Variants in TCF12 observed in about 807,000 individuals in gnomAD.
TCF12 encodes DNA-binding protein HTF4.
Under a neutral mutation model 86.0 loss-of-function variants are expected in TCF12, and 45 were observed. The observed-to-expected ratio is 0.52, with a 90% CI of 0.41 to 0.67. The LOEUF (loss-of-function observed/expected upper bound fraction) is 0.67. TCF12 is among the 30% of genes least tolerant of loss of function. The pLI is 0.00. For synonymous variants in TCF12, 330 were observed against 299.6 expected, an observed-to-expected ratio of 1.10 and a Z score of -1.05; for missense variants, 881 against 859.9, an observed-to-expected ratio of 1.02 and a Z score of -0.31.
intron 3 of TCF12, among the ~76,000 whole-genome samples, chr15:56,950,611 T>C (rs1338619288): frequency 6.6e-6 from 1 of 152,148 alleles, no homozygotes; most frequent in East Asian, 1.9e-4. Context: ...TTGAGATTCA[T>C]TTATGTACCA....
intron 3 of TCF12, among the ~76,000 whole-genome samples, chr15:57,036,669 T>A (rs2585088): frequency 0.46 from 69,668 of 151,952 alleles, 16,483 homozygotes; most frequent in East Asian, 0.59. Context: ...AACTATTTTG[T>A]TTATTTGCCC....
chr15:57,248,199 T>G (rs2059949284), intron 13 of TCF12: 2 of 651,500 alleles, frequency 3.1e-6, no homozygotes, highest in East Asian at 5.4e-5. Context: ...CTGGGCCTAA[T>G]GCAGTTGCTT....
In TCF12 at chr15:56,978,397, C is replaced by T. The variant is rs531305199; in HGVS notation, c.148+57299C>T. ...ATTGTAGTATTAATATTTATATGAACGAGAATGAAGTTCAGAGTTAGTGAA... is the reference window on the plus strand; with the variant it reads ...ATTGTAGTATTAATATTTATATGAATGAGAATGAAGTTCAGAGTTAGTGAA... On this transcript the variant is annotated intron_variant, in intron 3 of 20. Coordinates refer to ENST00000333725, the MANE Select transcript of TCF12 (RefSeq NM_207037.2). Among the ~76,000 whole-genome samples, 7 of 151,644 alleles carry T rather than the reference C, an allele frequency of 4.6e-5. No homozygotes were observed. In the South Asian group the frequency reaches 8.3e-4, roughly 18 times the overall value.
chr15:56,977,443 G>T (rs1189363109), intron 3 of TCF12, among the ~76,000 whole-genome samples: 1 of 152,170 alleles, frequency 6.6e-6, no homozygotes, highest in Non-Finnish European at 1.5e-5. Context: ...TGAGACAGAG[G>T]TTGAGGTCTC....
At chr15:56,948,586 T>C (rs1207237824) in intron 3 of TCF12, among the ~76,000 whole-genome samples, 1 of 152,134 alleles carries the variant, frequency 6.6e-6, no homozygotes, top group East Asian at 1.9e-4. Flanking sequence ...AAGTAACAAA[T>C]ATCAGTAAAG....
chr15:56,956,901 T>C (rs762222877), intron 3 of TCF12, among the ~76,000 whole-genome samples: 1 of 152,194 alleles, frequency 6.6e-6, no homozygotes, highest in Admixed American at 6.5e-5. Flanking sequence ...TCTGGAACTG[T>C]GAATGCTATG....
intron 8 of TCF12, among the ~76,000 whole-genome samples, chr15:57,213,647 T>C (rs2058209155): frequency 6.6e-6 from 1 of 152,144 alleles, no homozygotes; most frequent in Non-Finnish European, 1.5e-5. Context: ...TTCTCATAAA[T>C]TGAAAGGATC....
intron 8 of TCF12, among the ~76,000 whole-genome samples, chr15:57,210,334 T>G (rs1398457028): frequency 2.0e-5 from 3 of 151,280 alleles, no homozygotes; most frequent in African/African-American, 7.3e-5. Context: ...CTAAATTATC[T>G]TCAGGAGAAA....
chr15:57,248,166 C>G (rs1349839713), intron 13 of TCF12: 1 of 696,910 alleles, frequency 1.4e-6, no homozygotes, highest in Non-Finnish European at 2.6e-6. Flanking sequence ...AACAGATTTC[C>G]CCTTACGTCT....
intron 3 of TCF12, among the ~76,000 whole-genome samples, chr15:57,063,424 GT>G (rs2068611430): frequency 6.6e-6 from 1 of 152,142 alleles, no homozygotes; most frequent in African/African-American, 2.4e-5. Flanking sequence ...ACCAGACAAA[GT>G]TTGGGGGTTC....
intron 19 of TCF12, chr15:57,278,534 TGTA>T (rs1351430157): frequency 1.5e-5 from 1 of 67,508 alleles, no homozygotes; most frequent in Non-Finnish European, 2.7e-5. Context: ...GAGCAATCAC[TGTA>T]AAAAAAAAAA....
intron 6 of TCF12, among the ~76,000 whole-genome samples, chr15:57,181,043 T>A (rs2056314328): frequency 6.6e-6 from 1 of 151,882 alleles, no homozygotes; most frequent in Non-Finnish European, 1.5e-5. Context: ...CTCAATCTCC[T>A]GACCTCGTGA....
chr15:57,181,884 T>G (rs1414355236), intron 6 of TCF12, among the ~76,000 whole-genome samples: 1 of 152,208 alleles, frequency 6.6e-6, no homozygotes, highest in Non-Finnish European at 1.5e-5. Context: ...TTAATTATTC[T>G]CTAGTATTAG....
chr15:57,217,780 CTG>C (rs1480124313), intron 8 of TCF12, among the ~76,000 whole-genome samples: 1 of 151,940 alleles, frequency 6.6e-6, no homozygotes, highest in Non-Finnish European at 1.5e-5. Context: ...TAGAGAAAGA[CTG>C]TGTATGGAAG....
intron 19 of TCF12, among the ~76,000 whole-genome samples, chr15:57,281,326 C>T (rs1486080596): frequency 1.3e-5 from 2 of 152,184 alleles, no homozygotes; most frequent in African/African-American, 4.8e-5. Flanking sequence ...CTTTTAATAA[C>T]ACCTCCAGCA....
intron 3 of TCF12, among the ~76,000 whole-genome samples, chr15:56,965,898 TGAA>T (rs1356943077): frequency 1.3e-5 from 2 of 152,218 alleles, no homozygotes; most frequent in African/African-American, 4.8e-5. Flanking sequence ...TGAATTTTCT[TGAA>T]GAAGTAATAT....
rs771248917 is a variant in TCF12 at position 57,063,786 on chromosome 15, C to G, written c.185C>G (p.Thr62Arg). The G allele has an allele frequency of 4.4e-6, 7 of 1,602,284 alleles. No individual in the cohort carries two copies. Among genetic ancestry groups the G allele is most frequent in the Non-Finnish European group, 6.0e-6 (7 of 1,171,168 alleles). ...DERGGTTSWG[T>R]SGQPSPSYDS... Reference sequence around the variant, plus strand: ...AGAGGAGGTACAACATCTTGGGGAACAAGTGGTCAACCAAGTCCTTCCTAT... The same window carrying G: ...AGAGGAGGTACAACATCTTGGGGAAGAAGTGGTCAACCAAGTCCTTCCTAT... The change falls in exon 4 of 21, where the codon ACA (threonine) becomes AGA (arginine). Residue 62 changes from threonine to arginine, a missense_variant. Coordinates refer to ENST00000333725, the MANE Select transcript of TCF12 (RefSeq NM_207037.2).
chr15:57,138,144 A>G (rs1471429559), intron 5 of TCF12, among the ~76,000 whole-genome samples: 1 of 152,190 alleles, frequency 6.6e-6, no homozygotes, highest in Non-Finnish European at 1.5e-5. Flanking sequence ...GGCAAAAGAG[A>G]AGAATTTCCA....
chr15:57,155,318 T>C (rs190834541), intron 5 of TCF12, among the ~76,000 whole-genome samples: 1 of 152,340 alleles, frequency 6.6e-6, no homozygotes, highest in East Asian at 1.9e-4. Context: ...ATATGTAAGA[T>C]TTTTATTTTG....
Sources: allele counts gnomAD v4.1 joint callset (sites outside exome capture counted in the v4.1 genomes callset), GRCh38; gene constraint gnomAD v4.1.1; transcripts MANE v1.5; gene names NCBI Gene and HGNC (gene_info 2026-07-23, HGNC 2026-07-21).